The following REPS2 variants were observed in gnomAD, a reference collection of about 807,000 sequenced individuals.
REPS2 encodes the protein RALBP1 associated Eps domain containing 2.
In REPS2, 23 loss-of-function variants were observed where a neutral mutation model predicts 53.6. The ratio of observed to expected loss-of-function variants is 0.43; its 90% CI spans 0.31 to 0.61. REPS2 has a LOEUF of 0.61. Among genes scored for constraint, REPS2 ranks in the 20% least tolerant of loss-of-function variants. The probability of loss-of-function intolerance (pLI) is 0.11; values close to 1 mark genes in which losing one functional copy is unlikely to be tolerated. For synonymous variants in REPS2, 238 were observed against 218.6 expected (o/e 1.09, Z -0.78); for missense variants, 446 against 534.9 (o/e 0.83, Z 1.64).
At chrX:17,170,704 A>G in the REPS2 span, among the ~76,000 whole-genome samples, 5 of 112,196 alleles carry the variant, frequency 4.5e-5, no homozygotes, top group African/African-American at 1.6e-4. Context: ...AAATAGGATG[A>G]TCTTTAGGAA....
the REPS2 span, among the ~76,000 whole-genome samples, chrX:17,161,668 G>A: frequency 2.4e-4 from 26 of 109,944 alleles, no homozygotes; most frequent in Non-Finnish European, 4.4e-4. Flanking sequence ...GAGCCATGCT[G>A]TACTCATGTT....
chrX:17,138,925 G>T lies in REPS2; in HGVS notation c.1878G>T (p.Leu626=). 8.3e-7 allele frequency: 1 copy of T among 1,201,955 alleles called. No homozygotes were observed. Among genetic ancestry groups the T allele is most frequent in the Non-Finnish European group, 1.1e-6 (1 of 890,862 alleles). The part of the protein sequence containing the change: ...IRKNKEANAV[L]ARLNSELQQQ... ...AAAATAAAGAGGCAAACGCAGTGCT[G>T]GCTCGGCTGAACAGTGAGCTCCAGC... The change falls in exon 17 of 18, where the codon CTG becomes CTT. Residue 626 remains leucine, a synonymous_variant. Transcript: ENST00000357277.
chrX:17,137,642 G>T (rs1476102859), intron 16 of REPS2: 1 of 111,442 alleles, frequency 9.0e-6, no homozygotes, highest in East Asian at 2.8e-4. Context: ...GTCTCACTCT[G>T]TCACCCAGGC....
intron 1 of REPS2, among the ~76,000 whole-genome samples, chrX:17,003,928 C>A (rs2061333649): frequency 8.9e-6 from 1 of 111,827 alleles, no homozygotes; most frequent in South Asian, 3.7e-4. Context: ...CCCAAATGGT[C>A]GGTGAATTTT....
chrX:16,997,171 G>A (rs2061243801), intron 1 of REPS2, among the ~76,000 whole-genome samples: 1 of 112,035 alleles, frequency 8.9e-6, no homozygotes, highest in South Asian at 3.7e-4. Context: ...CTCGAAACCT[G>A]GGCCAGAATG....
At position 17,098,610 on chromosome X, in the gene REPS2, T is replaced by TTGTGTGTGTG. The variant is rs369203546; in HGVS notation, c.1517-5094_1517-5085dup. 4.8e-5 allele frequency among the ~76,000 whole-genome samples: 5 copies of TTGTGTGTGTG among 103,228 alleles called. No individual in the cohort carries two copies. In the Admixed American group the frequency reaches 5.4e-4, roughly 11 times the overall value. 89.6% of individuals were successfully genotyped at this position (103,228 alleles called of 115,157 possible). A position where few individuals can be genotyped will look rare whatever the true frequency, so the allele number is the denominator to read the frequency against. On this transcript the variant is annotated intron_variant, in intron 13 of 17. Coordinates refer to ENST00000357277, the MANE Select transcript of REPS2 (RefSeq NM_004726.3). ...TCTTAGGATTTGTTAAAAAATGGTT[T>TTGTGTGTGTG]TGTGTGTGTGTGTGTGTGTGTGTTT...
chrX:16,960,817 A>C (rs6629196), intron 1 of REPS2, among the ~76,000 whole-genome samples: 40,965 of 111,199 alleles, frequency 0.37, 6,168 homozygotes, highest in East Asian at 0.86. Flanking sequence ...CAGCGTACAA[A>C]AATCAGTTGG....
At chrX:17,083,030 C>A (rs1255616941) in intron 13 of REPS2, among the ~76,000 whole-genome samples, 8 of 108,948 alleles carry the variant, frequency 7.3e-5, no homozygotes, top group Non-Finnish European at 1.5e-4. Context: ...TGACCATCTG[C>A]TACCACCTCC....
intron 1 of REPS2, among the ~76,000 whole-genome samples, chrX:16,954,722 C>T (rs2060569965): frequency 9.0e-6 from 1 of 110,864 alleles, no homozygotes. Flanking sequence ...GCTTCACACT[C>T]CTAAGTAGGG....
At chrX:17,003,421 C>G (rs1176634270) in intron 1 of REPS2, among the ~76,000 whole-genome samples, 1 of 111,359 alleles carries the variant, frequency 9.0e-6, no homozygotes, top group Non-Finnish European at 1.9e-5. Flanking sequence ...TTGGGCCAGA[C>G]AGGAGGGCCT....
chrX:17,185,346 C>T, the REPS2 span, among the ~76,000 whole-genome samples: 1 of 111,403 alleles, frequency 9.0e-6, no homozygotes, highest in African/African-American at 3.3e-5. Flanking sequence ...TTGGATTGGT[C>T]AAACAAGTCA....
At chrX:17,182,136 A>ATCTG in the REPS2 span, among the ~76,000 whole-genome samples, 1,550 of 76,537 alleles carry the variant, frequency 0.02, 10 homozygotes, top group Middle Eastern at 0.039. Context: ...AGTGTGCTCT[A>ATCTG]TCTGTCTATC....
At chrX:17,051,597 G>A (rs2062004110) in intron 6 of REPS2, among the ~76,000 whole-genome samples, 1 of 112,126 alleles carries the variant, frequency 8.9e-6, no homozygotes, top group Non-Finnish European at 1.9e-5. Flanking sequence ...CAGTTGATAG[G>A]CATATGGTGT....
chrX:16,950,243 T>C lies in REPS2; in HGVS notation c.273+3109T>C, dbSNP rs1323079701. Among the ~76,000 whole-genome samples the C allele has an allele frequency of 2.7e-5, 3 of 111,815 alleles. No homozygotes were observed. In the Admixed American group the frequency reaches 2.9e-4, roughly 11 times the overall value. ...ATTTCTTTATAGTGCTGAATAATAT[T>C]CCATTGTCTGCATGTACTACAATTT... On this transcript the variant is annotated intron_variant, in intron 1 of 17. Transcript: ENST00000357277.
intron 13 of REPS2, among the ~76,000 whole-genome samples, chrX:17,082,291 C>T (rs2148005064): frequency 8.9e-6 from 1 of 112,580 alleles, no homozygotes; most frequent in East Asian, 2.8e-4. Context: ...ATCATTTCCA[C>T]TCAAATCTAG....
At chrX:17,160,967 C>G in the REPS2 span, among the ~76,000 whole-genome samples, 1 of 111,681 alleles carries the variant, frequency 9.0e-6, no homozygotes, top group African/African-American at 3.3e-5. Flanking sequence ...GGAATTGTGC[C>G]CCAGAAGTTG....
chrX:17,007,801 A>G (rs2061381000), intron 2 of REPS2, among the ~76,000 whole-genome samples: 1 of 111,982 alleles, frequency 8.9e-6, no homozygotes, highest in Non-Finnish European at 1.9e-5. Context: ...TACTATGGTT[A>G]TGGCTGCACA....
intron 1 of REPS2, among the ~76,000 whole-genome samples, chrX:16,987,656 A>C (rs1007657536): frequency 8.9e-6 from 1 of 111,772 alleles, no homozygotes; most frequent in African/African-American, 3.3e-5. Flanking sequence ...AGTCTCTGTC[A>C]CAACTACTCA....
At chrX:17,158,060 C>T (rs2063627805), downstream of REPS2, among the ~76,000 whole-genome samples, 1 of 111,456 alleles carries the variant, frequency 9.0e-6, no homozygotes, top group African/African-American at 3.3e-5. Context: ...GACTCAATAT[C>T]TCGCCTCCCT....
Sources: gnomAD v4.1 joint callset for allele counts (sites outside exome capture counted in the v4.1 genomes callset) on GRCh38, gnomAD v4.1.1 for gene constraint, MANE v1.5 for transcripts, NCBI Gene and HGNC (gene_info 2026-07-23, HGNC 2026-07-21) for gene names.